The following ADARB2 variants were observed in gnomAD, a reference collection of about 807,000 sequenced individuals.
ADARB2 encodes adenosine deaminase RNA specific B2 (inactive).
ADARB2 carries 25 observed loss-of-function variants against 62.2 expected under a neutral mutation model. The observed-to-expected ratio is 0.40, with a 90% CI of 0.29 to 0.56. ADARB2 has a LOEUF of 0.56. ADARB2 is among the 20% of genes least tolerant of loss of function. ADARB2 has a pLI of 0.43. For synonymous variants in ADARB2, 572 were observed against 500.8 expected, an observed-to-expected ratio of 1.14 and a Z score of -1.90; for missense variants, 1,071 against 1,077.4, an observed-to-expected ratio of 0.99 and a Z score of 0.08.
chr10:1,315,661 G>A (rs1831732812), intron 3 of ADARB2, among the ~76,000 whole-genome samples: 1 of 152,234 alleles, frequency 6.6e-6, no homozygotes. Context: ...GGGGCTTTGA[G>A]GGGCCCCTAT....
chr10:1,566,587 G>A (rs1474226999), intron 1 of ADARB2, among the ~76,000 whole-genome samples: 4 of 151,960 alleles, frequency 2.6e-5, no homozygotes, highest in Non-Finnish European at 5.9e-5. Context: ...GTGATTCAGT[G>A]ATGTATATTT....
At chr10:1,351,307 C>T (rs1832135823) in intron 3 of ADARB2, among the ~76,000 whole-genome samples, 2 of 152,166 alleles carry the variant, frequency 1.3e-5, no homozygotes, top group Non-Finnish European at 2.9e-5. Context: ...AGTCCGTCCC[C>T]TTCTTCATCA....
chr10:1,669,005 G>A (rs531160629), intron 1 of ADARB2, among the ~76,000 whole-genome samples: 31 of 152,318 alleles, frequency 2.0e-4, no homozygotes, highest in Admixed American at 5.9e-4. Flanking sequence ...GGCCGTGACC[G>A]TCTCCCCTTG....
chr10:1,664,814 A>G (rs75181962), intron 1 of ADARB2, among the ~76,000 whole-genome samples: 1,877 of 152,326 alleles, frequency 0.012, 20 homozygotes, highest in East Asian at 0.046. Context: ...TGTGTGCTGC[A>G]TCCTCATCGC....
intron 6 of ADARB2, among the ~76,000 whole-genome samples, chr10:1,222,037 T>G (rs899941748): frequency 2.6e-5 from 4 of 152,206 alleles, no homozygotes; most frequent in African/African-American, 4.8e-5. Context: ...CCACCAACAG[T>G]GTAAAAGTGT....
intron 1 of ADARB2, among the ~76,000 whole-genome samples, chr10:1,729,424 A>G (rs1815046815): frequency 6.6e-6 from 1 of 152,218 alleles, no homozygotes; most frequent in Non-Finnish European, 1.5e-5. Context: ...CTATAAGCCC[A>G]ATGCAAGCAC....
rs539329894 is a variant in ADARB2, at chr10:1,402,604, A to G, written c.101-23444T>C. Among the ~76,000 whole-genome samples the G allele has an allele frequency of 1.6e-4, 24 of 152,282 alleles. No homozygotes were observed. The East Asian group carries it at 4.3e-3, about 27-fold the overall frequency. On this transcript the variant is annotated intron_variant, in intron 1 of 9. Coordinates refer to ENST00000381312, the MANE Select transcript of ADARB2 (RefSeq NM_018702.4). ...CAGCCAATGGCGCACACTGTCATCG[A>G]GTCGGAGGCGGCCCCACTTCAGTGG...
chr10:1,533,363 C>T (rs140308816), intron 1 of ADARB2, among the ~76,000 whole-genome samples: 38 of 151,124 alleles, frequency 2.5e-4, no homozygotes, highest in African/African-American at 8.3e-4. Context: ...CTCCTGACCT[C>T]GTGATCTGCC....
chr10:1,338,228 A>C (rs561337543), intron 3 of ADARB2, among the ~76,000 whole-genome samples: 2 of 152,340 alleles, frequency 1.3e-5, no homozygotes, highest in East Asian at 3.9e-4. Context: ...TGGCAGACTG[A>C]TAAGTGTTTA....
chr10:1,717,111 A>G (rs1215874700), intron 1 of ADARB2, among the ~76,000 whole-genome samples: 1 of 148,578 alleles, frequency 6.7e-6, no homozygotes, highest in Non-Finnish European at 1.5e-5. Context: ...TTTCACAACC[A>G]AGATGGGAAG....
At chr10:1,592,020 G>GT (rs1833263442) in intron 1 of ADARB2, among the ~76,000 whole-genome samples, 1 of 152,200 alleles carries the variant, frequency 6.6e-6, no homozygotes, top group Admixed American at 6.5e-5. Flanking sequence ...GGCTGACCCT[G>GT]GTACATGGGC....
intron 1 of ADARB2, among the ~76,000 whole-genome samples, chr10:1,651,928 A>C (rs974451968): frequency 1.3e-5 from 2 of 152,202 alleles, no homozygotes; most frequent in Non-Finnish European, 2.9e-5. Context: ...AGCTTACACA[A>C]AGATCCATCG....
chr10:1,726,292 A>G (rs1447724874), intron 1 of ADARB2, among the ~76,000 whole-genome samples: 1 of 152,206 alleles, frequency 6.6e-6, no homozygotes, highest in African/African-American at 2.4e-5. Context: ...TAGGTGATAG[A>G]TGACAGATCA....
intron 3 of ADARB2, among the ~76,000 whole-genome samples, chr10:1,340,063 T>A (rs1180296302): frequency 2.0e-5 from 3 of 151,482 alleles, no homozygotes; most frequent in Non-Finnish European, 4.4e-5. Flanking sequence ...CGGAATTGAA[T>A]CAGCACCCAC....
At chr10:1,651,794 C>A (rs368853798) in intron 1 of ADARB2, among the ~76,000 whole-genome samples, 6 of 152,018 alleles carry the variant, frequency 3.9e-5, no homozygotes, top group African/African-American at 1.4e-4. Context: ...TTCTCTCTGC[C>A]CGTGAAGGTG....
intron 1 of ADARB2, among the ~76,000 whole-genome samples, chr10:1,712,260 A>G (rs1834956958): frequency 6.6e-6 from 1 of 152,170 alleles, no homozygotes; most frequent in Non-Finnish European, 1.5e-5. Context: ...GTAATTGCTC[A>G]AAACACGTTT....
rs553889017 is a variant in ADARB2 at position 1,398,248 on chromosome 10, G to A, written c.101-19088C>T. Among the ~76,000 whole-genome samples the A allele has an allele frequency of 2.0e-5, 3 of 150,932 alleles. No individual in the cohort carries two copies. The highest frequency in any genetic ancestry group is 3.9e-4 in the East Asian group (2 of 5,106). On this transcript the variant is annotated intron_variant, in intron 1 of 9. Transcript: ENST00000381312. The surrounding 1 kb of genome is among the most constrained non-coding windows in gnomAD (Gnocchi z 4.1). ...CCGAGTGCAGGCTTCCTGGGTCACC[G>A]TCCGTCTCTCCCCTCCCGAGTGCAG... is the stretch of plus-strand genomic sequence containing the variant.
At chr10:1,650,388 G>C (rs923744052) in intron 1 of ADARB2, among the ~76,000 whole-genome samples, 2 of 152,160 alleles carry the variant, frequency 1.3e-5, no homozygotes, top group Non-Finnish European at 2.9e-5. Flanking sequence ...CACTTTGCTA[G>C]GACCTTTGAC....
chr10:1,313,444 T>G (rs770732685), intron 3 of ADARB2, among the ~76,000 whole-genome samples: 14 of 152,232 alleles, frequency 9.2e-5, no homozygotes, highest in South Asian at 2.1e-4. Flanking sequence ...GTGGTGGAAC[T>G]GGGACTGCCC....
Sources: gnomAD v4.1 joint callset for allele counts (sites outside exome capture counted in the v4.1 genomes callset) on GRCh38, gnomAD v4.1.1 for gene constraint, Gnocchi (gnomAD v3.1) non-coding constraint, MANE v1.5 for transcripts, NCBI Gene and HGNC (gene_info 2026-07-23, HGNC 2026-07-21) for gene names.